PROC: variants seen among roughly 807,000 people sequenced by gnomAD.
PROC encodes the protein vitamin K-dependent protein C.
A neutral mutation model predicts 36.3 loss-of-function variants in PROC; 22 were observed. That is an observed-to-expected ratio of 0.61 (90% CI 0.43 to 0.86). The LOEUF (loss-of-function observed/expected upper bound fraction) is 0.86, where lower values mean the gene tolerates loss of function less well. Ranked by LOEUF, PROC falls within the 40% of genes least tolerant of loss-of-function variation. The pLI, the probability that PROC is intolerant of heterozygous loss-of-function variation, is 0.00. For synonymous variants in PROC, 218 were observed against 244.5 expected (o/e 0.89, Z 1.01); for missense variants, 526 against 629.7 (o/e 0.84, Z 1.76).
Position 127,423,359 on chromosome 2 carries a change from T to C in PROC, c.486T>C (p.Cys162=). The change falls in exon 6 of 9, where the codon TGT becomes TGC. Residue 162 remains cysteine, a synonymous_variant. Coordinates refer to ENST00000234071, the MANE Select transcript of PROC (RefSeq NM_000312.4). ...AGGTGGGCTGGCGGCGCTGTAGCTG[T>C]GCGCCTGGCTACAAGCTGGGGGACG... ...LEEVGWRRCS[C]APGYKLGDDL... 6.4e-7 allele frequency: 1 copy of C among 1,550,388 alleles called. No individual in the cohort carries two copies. Among genetic ancestry groups the C allele is most frequent in the Non-Finnish European group, 8.7e-7 (1 of 1,147,194 alleles).
At chr2:127,423,989 A>G (rs1688313378) in intron 6 of PROC, among the ~76,000 whole-genome samples, 2 of 151,824 alleles carry the variant, frequency 1.3e-5, no homozygotes, top group African/African-American at 4.8e-5. Context: ...TTTTTCATTC[A>G]TTTTCATTAA....
chr2:127,428,426 C>G lies in PROC; in HGVS notation c.866C>G (p.Pro289Arg). ...GACATCAAGGAGGTCTTCGTCCACCCCAACTACAGCAAGAGCACCACCGAC... is the reference window on the plus strand; with the variant it reads ...GACATCAAGGAGGTCTTCGTCCACCGCAACTACAGCAAGAGCACCACCGAC... ...DLDIKEVFVH[P>R]NYSKSTTDND... The change falls in exon 9 of 9, where the codon CCC becomes CGC. Residue 289 changes from proline (P) to arginine (R), a missense_variant. Transcript: ENST00000234071. 1 of 1,614,186 alleles carries G rather than the reference C, an allele frequency of 6.2e-7. No homozygotes were observed. Among genetic ancestry groups the G allele is most frequent in the Non-Finnish European group, 8.5e-7 (1 of 1,180,040 alleles).
At chr2:127,422,766 C>A in intron 3 of PROC, 151 bp from the exon 4 acceptor site, 1 of 1,121,510 alleles carries the variant, frequency 8.9e-7, no homozygotes, top group Non-Finnish European at 1.3e-6. Context: ...GGAGCACCAG[C>A]TCCTAGCAGC....
chr2:127,423,805 G>GC (rs1688299233), intron 6 of PROC, among the ~76,000 whole-genome samples: 1 of 152,250 alleles, frequency 6.6e-6, no homozygotes, highest in African/African-American at 2.4e-5. Flanking sequence ...GGCGTGCATC[G>GC]CATTTCCCTC....
At position 127,428,983 on chromosome 2, in the gene PROC, T is replaced by C; in HGVS notation, c.*37T>C. ...GCAGGGCTGGGCTTTTGCATGGCAA[T>C]GGATGGGACATTAAAGGGACATGTA... On this transcript the variant is annotated 3_prime_UTR_variant, in exon 9 of 9. Coordinates refer to ENST00000234071, the MANE Select transcript of PROC (RefSeq NM_000312.4). 1 of 1,604,332 alleles carries C rather than the reference T, an allele frequency of 6.2e-7. No homozygotes were observed. The highest frequency in any genetic ancestry group is 8.5e-7 in the Non-Finnish European group (1 of 1,171,724).
chr2:127,426,950 C>T lies in PROC; in HGVS notation c.679-155C>T, dbSNP rs910009556. On this transcript the variant is annotated intron_variant, in intron 7 of 8. Coordinates refer to ENST00000234071, the MANE Select transcript of PROC (RefSeq NM_000312.4). This position sits in a 1 kb window ranked among gnomAD's most constrained non-coding sequence, Gnocchi z 7.0. ...GAAGACACCCTGGGACAGGCTGACACTGTAAAATGGGCAAAAATAGAAAAC... is the reference window on the plus strand; with the variant it reads ...GAAGACACCCTGGGACAGGCTGACATTGTAAAATGGGCAAAAATAGAAAAC... 2.0e-5 allele frequency among the ~76,000 whole-genome samples: 3 copies of T among 152,234 alleles called. No homozygotes were observed. The highest frequency in any genetic ancestry group is 4.4e-5 in the Non-Finnish European group (3 of 68,036).
rs2854696 is a variant in PROC, at chr2:127,418,817, T to C, written c.-22+325T>C. 0.97 allele frequency among the ~76,000 whole-genome samples: 147,572 copies of C among 152,268 alleles called. 71,677 individuals are homozygous for C. Among genetic ancestry groups the C allele is most frequent in the East Asian group, 1 (5,170 of 5,170 alleles). Reference sequence around the variant, plus strand: ...GTCGGATTTGAACAAATCTCAGAAGTGGCCTCAGAGGGAGTCGGCAAGAAT... The same window carrying C: ...GTCGGATTTGAACAAATCTCAGAAGCGGCCTCAGAGGGAGTCGGCAAGAAT... On this transcript the variant is annotated intron_variant, in intron 1 of 8. Coordinates refer to ENST00000234071, the MANE Select transcript of PROC (RefSeq NM_000312.4). The surrounding 1 kb of genome is among the most constrained non-coding windows in gnomAD (Gnocchi z 4.8).
chr2:127,422,070 T>C (rs2069920), intron 3 of PROC, among the ~76,000 whole-genome samples: 56,323 of 152,008 alleles, frequency 0.37, 11,366 homozygotes, highest in East Asian at 0.57. Context: ...CTTCAGCCAC[T>C]AGGACCTGAA....
rs760698666 is a variant in PROC, at chr2:127,421,478, G to A, written c.237+29G>A. 5.0e-6 allele frequency: 8 copies of A among 1,613,052 alleles called. No individual in the cohort carries two copies. The East Asian group carries it at 1.6e-4, about 31-fold the overall frequency. On this transcript the variant is annotated intron_variant, in intron 3 of 8. Coordinates refer to ENST00000234071, the MANE Select transcript of PROC (RefSeq NM_000312.4). ...AGGCCACCATGGGTCCAGAGGATGA[G>A]GCTCAGGGGCGAGCTGGTAACCAGC...
chr2:127,420,872 A>G (rs1012216454), intron 2 of PROC, among the ~76,000 whole-genome samples: 1 of 152,108 alleles, frequency 6.6e-6, no homozygotes, highest in African/African-American at 2.4e-5. Context: ...AGAGGATTTA[A>G]CTTGGCAGCC....
intron 6 of PROC, among the ~76,000 whole-genome samples, chr2:127,424,657 A>T (rs890779324): frequency 6.6e-6 from 1 of 152,248 alleles, no homozygotes; most frequent in African/African-American, 2.4e-5. Context: ...TGGGCAACAC[A>T]GTGAGACCCT....
chr2:127,418,960 G>A lies in PROC; in HGVS notation c.-22+468G>A, dbSNP rs1445339236. On this transcript the variant is annotated intron_variant, in intron 1 of 8. Coordinates refer to ENST00000234071, the MANE Select transcript of PROC (RefSeq NM_000312.4). This position sits in a 1 kb window ranked among gnomAD's most constrained non-coding sequence, Gnocchi z 4.8. ...GGCCTTTTGGAGCACCTGGTGGTTT[G>A]GGGCAGGGGTTGAATTTCCAGGCCT... 1.3e-5 allele frequency among the ~76,000 whole-genome samples: 2 copies of A among 152,156 alleles called. No homozygotes were observed. The highest frequency in any genetic ancestry group is 2.1e-4 in the South Asian group (1 of 4,832).
chr2:127,421,410 C>G lies in PROC; in HGVS notation c.198C>G (p.Phe66Leu), dbSNP rs201463891. The G allele has an allele frequency of 1.9e-6, 3 of 1,613,914 alleles. No individual in the cohort carries two copies. Among genetic ancestry groups the G allele is most frequent in the African/African-American group, 2.7e-5 (2 of 75,032 alleles). ...ERECIEEICD[F>L]EEAKEIFQNV... ...AGTGCATAGAGGAGATCTGTGACTTCGAGGAGGCCAAGGAAATTTTCCAAA... is the reference window on the plus strand; with the variant it reads ...AGTGCATAGAGGAGATCTGTGACTTGGAGGAGGCCAAGGAAATTTTCCAAA... The change falls in exon 3 of 9, where the codon TTC becomes TTG. Residue 66 changes from phenylalanine (F) to leucine (L), a missense_variant. Physicochemically the swap from Phe to Leu is conservative, Grantham distance 22. Coordinates refer to ENST00000234071, the MANE Select transcript of PROC (RefSeq NM_000312.4).
chr2:127,428,680 A>T lies in PROC; in HGVS notation c.1120A>T (p.Ser374Cys), dbSNP rs757880924. Reference sequence around the variant, plus strand: ...TCCCGTGGTCCCGCACAATGAGTGCAGCGAGGTCATGAGCAACATGGTGTC... The same window carrying T: ...TCCCGTGGTCCCGCACAATGAGTGCTGCGAGGTCATGAGCAACATGGTGTC... Reference protein sequence around the residue: ...KIPVVPHNECSEVMSNMVSEN... With the variant: ...KIPVVPHNECCEVMSNMVSEN... The change falls in exon 9 of 9, where the codon AGC (serine) becomes TGC (cysteine). Residue 374 changes from serine (S) to cysteine (C), a missense_variant. Coordinates refer to ENST00000234071, the MANE Select transcript of PROC (RefSeq NM_000312.4). The T allele has an allele frequency of 6.2e-7, 1 of 1,613,972 alleles. No homozygotes were observed. Among genetic ancestry groups the T allele is most frequent in the East Asian group, 2.2e-5 (1 of 44,880 alleles).
At chr2:127,421,553 G>A (rs1297432768) in intron 3 of PROC, 104 bp downstream of exon 3, 34 of 1,381,710 alleles carry the variant, frequency 2.5e-5, no homozygotes, top group Non-Finnish European at 3.4e-5. Flanking sequence ...CCTCTTAGGA[G>A]TTGTGGGGGT....
chr2:127,425,996 G>A, intron 6 of PROC, 89 bp from the exon 7 acceptor site: 1 of 1,538,084 alleles, frequency 6.5e-7, no homozygotes, highest in Non-Finnish European at 9.0e-7. Flanking sequence ...CTGTGGCAAA[G>A]TGGCCCACAG....
chr2:127,419,724 G>A (rs1408182082), intron 1 of PROC, 198 bp from the exon 2 acceptor site: 1 of 1,277,894 alleles, frequency 7.8e-7, no homozygotes, highest in Non-Finnish European at 1.1e-6. Flanking sequence ...TAGGCAGGCA[G>A]TGTGAGCTCA....
At chr2:127,428,119 G>C (rs1338153302) in intron 8 of PROC, among the ~76,000 whole-genome samples, 1 of 152,252 alleles carries the variant, frequency 6.6e-6, no homozygotes, top group African/African-American at 2.4e-5. Context: ...ACCTCTTTGG[G>C]ATTGACACCT....
chr2:127,425,034 C>T (rs1444818096), intron 6 of PROC, among the ~76,000 whole-genome samples: 2 of 152,208 alleles, frequency 1.3e-5, no homozygotes, highest in Admixed American at 6.5e-5. Context: ...CCTGAAGTCC[C>T]TAGTCAGAGC....
Sources: allele counts gnomAD v4.1 joint callset (sites outside exome capture counted in the v4.1 genomes callset), GRCh38; gene constraint gnomAD v4.1.1; non-coding constraint Gnocchi (gnomAD v3.1); transcripts MANE v1.5; gene names NCBI Gene and HGNC (gene_info 2026-07-23, HGNC 2026-07-21).